ZNF385D: variants seen among roughly 807,000 people sequenced by gnomAD.
The protein encoded by ZNF385D is zinc finger protein 659.
ZNF385D carries 15 observed loss-of-function variants against 35.8 expected under a neutral mutation model. The observed-to-expected ratio is 0.42, with a 90% CI of 0.28 to 0.64. The LOEUF is 0.64. ZNF385D is among the 30% of genes least tolerant of loss of function. The pLI is 0.23. For missense variants in ZNF385D, 474 were observed against 494.6 expected (o/e 0.96, Z 0.39); for synonymous variants, 212 against 186.8 (o/e 1.13, Z -1.10).
chr3:21,710,945 A>C (rs4378986), intron 1 of ZNF385D, among the ~76,000 whole-genome samples: 77,538 of 150,690 alleles, frequency 0.51, 20,372 homozygotes, highest in African/African-American at 0.64. Context: ...ATGCTCTCTG[A>C]TTTTCCCCAT....
intron 3 of ZNF385D, among the ~76,000 whole-genome samples, chr3:22,122,517 A>G (rs1703144140): frequency 6.6e-6 from 1 of 152,196 alleles, no homozygotes; most frequent in African/African-American, 2.4e-5. Flanking sequence ...ATATGTCAGA[A>G]TCTTTTCTAG....
At chr3:21,795,604 G>T (rs552747657) in intron 3 of ZNF385D, among the ~76,000 whole-genome samples, 4 of 152,300 alleles carry the variant, frequency 2.6e-5, no homozygotes, top group Non-Finnish European at 5.9e-5. Flanking sequence ...TCAAGTAATT[G>T]TGATATTTCC....
intron 1 of ZNF385D, among the ~76,000 whole-genome samples, chr3:21,700,498 A>C (rs1378258776): frequency 6.6e-6 from 1 of 152,164 alleles, no homozygotes; most frequent in Non-Finnish European, 1.5e-5. Context: ...TTTCCTGAGA[A>C]TGAACAGCCA....
intron 3 of ZNF385D, among the ~76,000 whole-genome samples, chr3:21,525,288 G>C (rs1708154379): frequency 6.6e-6 from 1 of 151,912 alleles, no homozygotes; most frequent in African/African-American, 2.4e-5. Flanking sequence ...TCAGTGATTT[G>C]AGGAAGAAAT....
chr3:21,907,023 T>A (rs923460674), intron 3 of ZNF385D, among the ~76,000 whole-genome samples: 1 of 152,252 alleles, frequency 6.6e-6, no homozygotes, highest in East Asian at 1.9e-4. Context: ...CCAGGATCCA[T>A]GTCAATATCA....
chr3:22,108,148 T>C (rs1221262038), intron 3 of ZNF385D, among the ~76,000 whole-genome samples: 1 of 152,064 alleles, frequency 6.6e-6, no homozygotes, highest in Non-Finnish European at 1.5e-5. Context: ...TACAGCAGCA[T>C]AAAGTGAACT....
At chr3:21,614,902 T>C (rs181443766) in intron 2 of ZNF385D, among the ~76,000 whole-genome samples, 26 of 152,302 alleles carry the variant, frequency 1.7e-4, no homozygotes, top group Middle Eastern at 3.4e-3. Flanking sequence ...AGTACAGTTT[T>C]ATCAGGTGCA....
intron 3 of ZNF385D, among the ~76,000 whole-genome samples, chr3:21,842,806 TGCA>T (rs1447329084): frequency 3.9e-5 from 6 of 152,090 alleles, no homozygotes; most frequent in Non-Finnish European, 8.8e-5. Flanking sequence ...GTTAAGCTAA[TGCA>T]GAAAAATTAT....
chr3:22,117,324 C>T (rs896149634), intron 3 of ZNF385D, among the ~76,000 whole-genome samples: 3 of 151,952 alleles, frequency 2.0e-5, no homozygotes, highest in African/African-American at 7.2e-5. Flanking sequence ...CCAAGATAAG[C>T]AGGTTGCAAA....
At chr3:21,584,279 CATTT>C (rs1055059643) in intron 2 of ZNF385D, among the ~76,000 whole-genome samples, 9 of 152,090 alleles carry the variant, frequency 5.9e-5, no homozygotes, top group Non-Finnish European at 1.0e-4. Flanking sequence ...GCACCCGGCC[CATTT>C]ACACGTTTAA....
At chr3:21,889,576 C>A (rs959694983) in intron 3 of ZNF385D, among the ~76,000 whole-genome samples, 2 of 151,976 alleles carry the variant, frequency 1.3e-5, no homozygotes, top group African/African-American at 4.8e-5. Context: ...GACTTTATTG[C>A]CCCTTAACTT....
At chr3:21,771,312 A>G (rs1275127086) in intron 3 of ZNF385D, among the ~76,000 whole-genome samples, 1 of 151,934 alleles carries the variant, frequency 6.6e-6, no homozygotes, top group Non-Finnish European at 1.5e-5. Context: ...ACAGCCTAAA[A>G]CAATCAACAA....
At chr3:21,624,532 C>T (rs1270010410) in intron 2 of ZNF385D, among the ~76,000 whole-genome samples, 1 of 151,988 alleles carries the variant, frequency 6.6e-6, no homozygotes, top group African/African-American at 2.4e-5. Context: ...AATAATCATA[C>T]TCTGAGACTT....
intron 2 of ZNF385D, among the ~76,000 whole-genome samples, chr3:22,299,538 T>C (rs1253679288): frequency 1.3e-5 from 2 of 151,906 alleles, no homozygotes; most frequent in African/African-American, 4.8e-5. Context: ...AAGAAGTTCC[T>C]GTTTGTGAAC....
chr3:22,151,933 C>G (rs939525726), intron 3 of ZNF385D, among the ~76,000 whole-genome samples: 3 of 152,050 alleles, frequency 2.0e-5, no homozygotes, highest in African/African-American at 4.8e-5. Flanking sequence ...GTTTCTTGTA[C>G]AGGTTATTTA....
At chr3:21,573,970 G>A (rs1439659001) in intron 2 of ZNF385D, among the ~76,000 whole-genome samples, 1 of 148,528 alleles carries the variant, frequency 6.7e-6, no homozygotes, top group East Asian at 2.0e-4. Flanking sequence ...TGAGTCAGGA[G>A]AATCTCTTGA....
chr3:21,856,026 G>A (rs1183109069), intron 3 of ZNF385D, among the ~76,000 whole-genome samples: 1 of 151,966 alleles, frequency 6.6e-6, no homozygotes, highest in East Asian at 1.9e-4. Context: ...ATTCATGTGT[G>A]TGTCTGTGTG....
intron 3 of ZNF385D, among the ~76,000 whole-genome samples, chr3:21,996,164 A>G (rs1695453164): frequency 6.6e-6 from 1 of 152,266 alleles, no homozygotes; most frequent in Admixed American, 6.5e-5. Flanking sequence ...CCCAGCACAA[A>G]CTACCTCTCC....
chr3:21,959,236 A>G (rs1559792165), intron 3 of ZNF385D, among the ~76,000 whole-genome samples: 1 of 152,202 alleles, frequency 6.6e-6, no homozygotes, highest in Non-Finnish European at 1.5e-5. Context: ...ATAGGAATAA[A>G]GTGTAGTGCC....
Sources: allele counts gnomAD v4.1 joint callset (sites outside exome capture counted in the v4.1 genomes callset), GRCh38; gene constraint gnomAD v4.1.1; transcripts MANE v1.5; gene names NCBI Gene and HGNC (gene_info 2026-07-23, HGNC 2026-07-21).